Variants in CAMK1D observed in about 807,000 individuals in gnomAD.
The protein encoded by CAMK1D is calcium/calmodulin dependent protein kinase ID, also known as calcium/calmodulin-dependent protein kinase type 1D.
Under a neutral mutation model 47.7 loss-of-function variants are expected in CAMK1D, and 9 were observed. That is an observed-to-expected ratio of 0.19 (90% CI 0.11 to 0.33). The LOEUF (loss-of-function observed/expected upper bound fraction) is 0.33, where lower values mean the gene tolerates loss of function less well. CAMK1D is among the 10% of genes least tolerant of loss of function. The probability of loss-of-function intolerance (pLI) is 1.00; values close to 1 mark genes in which losing one functional copy is unlikely to be tolerated. For synonymous variants in CAMK1D, 184 were observed against 184.9 expected, an observed-to-expected ratio of 0.99 and a Z score of 0.04; for missense variants, 291 against 488.7, an observed-to-expected ratio of 0.60 and a Z score of 3.81.
Position 12,694,190 on chromosome 10 carries a change from ATATAT to A in CAMK1D, c.299+27381_299+27385del, listed in dbSNP as rs1226647433. 3.5e-3 allele frequency among the ~76,000 whole-genome samples: 50 copies of A among 14,400 alleles called. 14 individuals are homozygous for A. The highest frequency in any genetic ancestry group is 8.5e-3 in the African/African-American group (40 of 4,682). 9.4% of individuals were successfully genotyped at this position (14,400 alleles called of 152,430 possible). A position where few individuals can be genotyped will look rare whatever the true frequency, so the allele number is the denominator to read the frequency against. On this transcript the variant is annotated intron_variant, in intron 3 of 10. Transcript: ENST00000619168. ...CATAATATATATTATATATAATATA[ATATAT>A]ATTATATATTATGTATAATATAAAA...
chr10:12,363,937 C>T (rs550044627), intron 1 of CAMK1D, among the ~76,000 whole-genome samples: 2 of 152,194 alleles, frequency 1.3e-5, no homozygotes, highest in Admixed American at 6.5e-5. Flanking sequence ...TGTCTGAGCC[C>T]GTGCCTCCAG....
intron 1 of CAMK1D, among the ~76,000 whole-genome samples, chr10:12,421,020 A>T (rs759902741): frequency 5.3e-5 from 8 of 152,058 alleles, no homozygotes; most frequent in Non-Finnish European, 8.8e-5. Context: ...GAACAGCACC[A>T]CTCAGAGTCT....
chr10:12,823,437 A>ATT (rs1300128693), intron 8 of CAMK1D, among the ~76,000 whole-genome samples: 1 of 152,120 alleles, frequency 6.6e-6, no homozygotes, highest in Non-Finnish European at 1.5e-5. Context: ...GCCCAGGGGG[A>ATT]AAAGGCCAAG....
chr10:12,651,631 G>A (rs1041658718), intron 2 of CAMK1D, among the ~76,000 whole-genome samples: 1 of 151,926 alleles, frequency 6.6e-6, no homozygotes, highest in Non-Finnish European at 1.5e-5. Context: ...CAAACTCCTG[G>A]GTTCAAGTGA....
Position 12,485,097 on chromosome 10 carries a change from C to T in CAMK1D, c.93-68128C>T, listed in dbSNP as rs1834173971. On this transcript the variant is annotated intron_variant, in intron 1 of 10. Transcript: ENST00000619168. ...CTTCACGTCTTGCATGTTTTCACCG[C>T]TCCCCATACGGGTATTTCTAAGCAA... 2.0e-5 allele frequency among the ~76,000 whole-genome samples: 3 copies of T among 152,236 alleles called. No homozygotes were observed. The South Asian group carries it at 6.2e-4, about 31-fold the overall frequency.
chr10:12,617,904 T>C (rs1328157991), intron 2 of CAMK1D, among the ~76,000 whole-genome samples: 1 of 152,256 alleles, frequency 6.6e-6, no homozygotes, highest in African/African-American at 2.4e-5. Context: ...CCATTAATTT[T>C]ATTAAATAGC....
chr10:12,553,416 G>C (rs1283476847), intron 2 of CAMK1D, 60 bp downstream of exon 2: 7 of 1,427,652 alleles, frequency 4.9e-6, no homozygotes, highest in Non-Finnish European at 6.9e-6. Context: ...TGTCCTGCAG[G>C]AGTCCTGCCC....
At chr10:12,450,296 T>C (rs752180966) in intron 1 of CAMK1D, among the ~76,000 whole-genome samples, 6 of 152,204 alleles carry the variant, frequency 3.9e-5, no homozygotes, top group Non-Finnish European at 7.4e-5. Context: ...TTGGGTTATA[T>C]ACTGAGTTTA....
intron 2 of CAMK1D, among the ~76,000 whole-genome samples, chr10:12,653,955 A>C (rs1189888982): frequency 6.6e-6 from 1 of 152,214 alleles, no homozygotes; most frequent in Non-Finnish European, 1.5e-5. Flanking sequence ...TGAGTTGTGA[A>C]ATATGGACCC....
chr10:12,392,017 A>ACACACACACACACACAC (rs34312096), intron 1 of CAMK1D, among the ~76,000 whole-genome samples: 164 of 147,322 alleles, frequency 1.1e-3, no homozygotes, highest in African/African-American at 3.8e-3. Flanking sequence ...ACACACACAC[A>ACACACACACACACACAC]AACAGTCTGG....
intron 1 of CAMK1D, among the ~76,000 whole-genome samples, chr10:12,432,507 G>T (rs1832513812): frequency 6.6e-6 from 1 of 152,154 alleles, no homozygotes; most frequent in South Asian, 2.1e-4. Context: ...GAGTTAATGT[G>T]TGAATGAATG....
chr10:12,552,925 T>C (rs150558125), intron 1 of CAMK1D, among the ~76,000 whole-genome samples: 3 of 152,244 alleles, frequency 2.0e-5, no homozygotes, highest in Non-Finnish European at 1.5e-5. Flanking sequence ...GTATTTTTAG[T>C]AGAGACGGGG....
rs566960073 is a variant in CAMK1D, at chr10:12,753,399, G to C, written c.300-7549G>C. Among the ~76,000 whole-genome samples the C allele has an allele frequency of 9.1e-4, 138 of 152,310 alleles. 1 individual carries two copies. The highest frequency in any genetic ancestry group is 3.2e-3 in the African/African-American group (132 of 41,570). On this transcript the variant is annotated intron_variant, in intron 3 of 10. Transcript: ENST00000619168. The stretch of plus-strand genomic sequence containing the variant: ...CTGGGGCTATGCCATGTCAGTGACT[G>C]GTTCATTAACCTAGGACACCTCAGG...
chr10:12,818,797 G>A (rs1214241447), intron 8 of CAMK1D, among the ~76,000 whole-genome samples: 1 of 152,192 alleles, frequency 6.6e-6, no homozygotes, highest in Non-Finnish European at 1.5e-5. Flanking sequence ...ACTGGAAGGA[G>A]AAGAAAAGGG....
intron 1 of CAMK1D, among the ~76,000 whole-genome samples, chr10:12,387,399 TTTA>T (rs1838546041): frequency 1.5e-5 from 1 of 65,400 alleles, no homozygotes; most frequent in Non-Finnish European, 3.3e-5. Flanking sequence ...ATTATATATT[TTTA>T]TATATTATAT....
At chr10:12,507,097 A>G (rs1834899629) in intron 1 of CAMK1D, among the ~76,000 whole-genome samples, 1 of 152,244 alleles carries the variant, frequency 6.6e-6, no homozygotes, top group Non-Finnish European at 1.5e-5. Flanking sequence ...AATGACAGGC[A>G]AGGATGAATT....
chr10:12,679,977 C>T (rs917094468), intron 3 of CAMK1D, among the ~76,000 whole-genome samples: 1 of 152,220 alleles, frequency 6.6e-6, no homozygotes, highest in Non-Finnish European at 1.5e-5. Flanking sequence ...ATGTAAGCTA[C>T]ACATCCTCTC....
intron 1 of CAMK1D, among the ~76,000 whole-genome samples, chr10:12,443,438 T>A (rs1167382275): frequency 6.6e-6 from 1 of 151,902 alleles, no homozygotes; most frequent in Admixed American, 6.6e-5. Context: ...TGTGTTGTGC[T>A]CGTATAGTCG....
chr10:12,707,478 G>C (rs1276749663), intron 3 of CAMK1D, among the ~76,000 whole-genome samples: 1 of 152,132 alleles, frequency 6.6e-6, no homozygotes, highest in Non-Finnish European at 1.5e-5. Context: ...GGAGAGGAGA[G>C]GTAGAGGGTC....
Sources: allele counts gnomAD v4.1 joint callset (sites outside exome capture counted in the v4.1 genomes callset), GRCh38; gene constraint gnomAD v4.1.1; transcripts MANE v1.5; gene names NCBI Gene and HGNC (gene_info 2026-07-23, HGNC 2026-07-21).